CTTNBP2: variants seen among roughly 807,000 people sequenced by gnomAD.
The protein encoded by CTTNBP2 is cortactin-binding protein 2.
A neutral mutation model predicts 156.9 loss-of-function variants in CTTNBP2; 108 were observed. The observed-to-expected ratio is 0.69, with a 90% CI of 0.59 to 0.81. The LOEUF is 0.81. Ranked by LOEUF, CTTNBP2 falls within the 30% of genes least tolerant of loss-of-function variation. The probability of loss-of-function intolerance (pLI) is 0.00; values close to 1 mark genes in which losing one functional copy is unlikely to be tolerated. For missense variants in CTTNBP2, 1,924 were observed against 2,035.4 expected (o/e 0.95, Z 1.05); for synonymous variants, 767 against 751.8 (o/e 1.02, Z -0.33).
chr7:117,806,342 A>G (rs1799939613), intron 3 of CTTNBP2, among the ~76,000 whole-genome samples: 2 of 152,222 alleles, frequency 1.3e-5, no homozygotes, highest in South Asian at 4.1e-4. Flanking sequence ...TCTAATTCAA[A>G]GTGGAAAACT....
chr7:117,818,383 A>G (rs926626951), intron 2 of CTTNBP2, among the ~76,000 whole-genome samples: 2 of 152,250 alleles, frequency 1.3e-5, no homozygotes, highest in African/African-American at 4.8e-5. Flanking sequence ...AGCTGTCACT[A>G]TCTTGGGTGC....
intron 2 of CTTNBP2, among the ~76,000 whole-genome samples, chr7:117,822,544 C>T (rs1801027958): frequency 6.6e-6 from 1 of 152,140 alleles, no homozygotes; most frequent in Non-Finnish European, 1.5e-5. Flanking sequence ...GTTTTAGCTG[C>T]ATCTCAAATG....
At chr7:117,829,881 C>G (rs1216489309) in intron 2 of CTTNBP2, among the ~76,000 whole-genome samples, 2 of 152,188 alleles carry the variant, frequency 1.3e-5, no homozygotes, top group Non-Finnish European at 2.9e-5. Context: ...TAATATCATG[C>G]TTGCCTGTGA....
At position 117,735,331 on chromosome 7, in the gene CTTNBP2, A is replaced by G. The variant is rs1795628610; in HGVS notation, c.3626T>C (p.Leu1209Ser). 6.2e-7 allele frequency: 1 copy of G among 1,614,038 alleles called. No individual in the cohort carries two copies. Among genetic ancestry groups the G allele is most frequent in the Non-Finnish European group, 8.5e-7 (1 of 1,179,924 alleles). ...NLEKSSLSEL[L>S]RDFLAPLENR... ...TTCAAGAGGTGCCAAAAAGTCCCTC[A>G]ATAACTCCGACAGTGAAGATTTTTC... Residue 1209 changes from leucine (L) to serine (S), a missense_variant, in exon 15 of 23, where the codon TTG (leucine) becomes TCG (serine). Transcript: ENST00000160373.
intron 16 of CTTNBP2, among the ~76,000 whole-genome samples, chr7:117,732,222 CA>C (rs1795439559): frequency 6.6e-6 from 1 of 152,004 alleles, no homozygotes; most frequent in Admixed American, 6.6e-5. Flanking sequence ...TAAATAACAC[CA>C]TATAACACAC....
chr7:117,851,552 A>T (rs1036126796), intron 2 of CTTNBP2, among the ~76,000 whole-genome samples: 2 of 152,128 alleles, frequency 1.3e-5, no homozygotes, highest in African/African-American at 4.8e-5. Context: ...TCCCTTAGAC[A>T]CTGTTTTTAC....
intron 2 of CTTNBP2, among the ~76,000 whole-genome samples, chr7:117,845,112 G>A (rs1436967676): frequency 1.3e-5 from 2 of 152,070 alleles, no homozygotes; most frequent in African/African-American, 4.8e-5. Flanking sequence ...GTGTGGGCAT[G>A]AGGTAGGCAG....
At chr7:117,810,336 A>G (rs892409044) in intron 3 of CTTNBP2, among the ~76,000 whole-genome samples, 2 of 152,220 alleles carry the variant, frequency 1.3e-5, no homozygotes, top group Non-Finnish European at 2.9e-5. Context: ...AAATAATAAA[A>G]TAATTTCTAA....
Position 117,710,866 on chromosome 7 carries a change from T to C in CTTNBP2, c.*671A>G, listed in dbSNP as rs1287408992. On this transcript the variant is annotated 3_prime_UTR_variant, in exon 23 of 23. Transcript: ENST00000160373. ...ACTTTTGTAAGAAAGATAACACTTT[T>C]ATTGCATTATAATTTCATATTTTAC... 12 of 152,632 alleles carry C rather than the reference T, an allele frequency of 7.9e-5. No individual in the cohort carries two copies. Among genetic ancestry groups the C allele is most frequent in the African/African-American group, 2.9e-4 (12 of 41,460 alleles). 9.5% of individuals were successfully genotyped at this position (152,632 alleles called of 1,614,324 possible).
chr7:117,748,520 TGA>T lies in CTTNBP2; in HGVS notation c.3349-2423_3349-2422del, dbSNP rs944616790. Among the ~76,000 whole-genome samples the T allele has an allele frequency of 9.2e-5, 14 of 152,364 alleles. No individual in the cohort carries two copies. The South Asian group carries it at 1.9e-3, about 20-fold the overall frequency. ...ATTATAGCTCTGTCTTCTTTTGCAT[TGA>T]GAGAGCTCAAGTTAGTCTTGCACAA... On this transcript the variant is annotated intron_variant, in intron 12 of 22. Transcript: ENST00000160373.
chr7:117,864,452 T>C (rs2117266090), intron 1 of CTTNBP2, among the ~76,000 whole-genome samples: 1 of 151,940 alleles, frequency 6.6e-6, no homozygotes, highest in South Asian at 2.1e-4. Context: ...ATTTTCAAAT[T>C]GTCAACAACT....
chr7:117,846,258 T>A (rs17140446), intron 2 of CTTNBP2, among the ~76,000 whole-genome samples: 1 of 151,930 alleles, frequency 6.6e-6, no homozygotes, highest in Non-Finnish European at 1.5e-5. Flanking sequence ...TGTGAAATAC[T>A]GTATAGTCAA....
At position 117,821,713 on chromosome 7, in the gene CTTNBP2, C is replaced by T. The variant is rs183953781; in HGVS notation, c.190-10724G>A. On this transcript the variant is annotated intron_variant, in intron 2 of 22. Coordinates refer to ENST00000160373, the MANE Select transcript of CTTNBP2 (RefSeq NM_033427.3). ...AAGCCATTCTCCTGACTCAGCCTCC[C>T]GAGTAGCTGGGACTACAGGCGCCGG... Among the ~76,000 whole-genome samples, 89 of 151,888 alleles carry T rather than the reference C, an allele frequency of 5.9e-4. 2 individuals are homozygous for T. The highest frequency in any genetic ancestry group is 3.4e-3 in the Middle Eastern group (1 of 294).
At chr7:117,836,791 G>C (rs964250944) in intron 2 of CTTNBP2, among the ~76,000 whole-genome samples, 1 of 152,158 alleles carries the variant, frequency 6.6e-6, no homozygotes, top group Non-Finnish European at 1.5e-5. Context: ...AGGCAAGAGA[G>C]AAAATGAGAA....
At chr7:117,849,958 C>T (rs1250011996) in intron 2 of CTTNBP2, among the ~76,000 whole-genome samples, 1 of 152,196 alleles carries the variant, frequency 6.6e-6, no homozygotes, top group Non-Finnish European at 1.5e-5. Context: ...GAACACTTTC[C>T]TTAACCATGA....
At chr7:117,821,872 G>A (rs912670075) in intron 2 of CTTNBP2, among the ~76,000 whole-genome samples, 1 of 152,086 alleles carries the variant, frequency 6.6e-6, no homozygotes, top group African/African-American at 2.4e-5. Flanking sequence ...TTACAGGCGT[G>A]AGCCACCGCG....
At position 117,780,582 on chromosome 7, in the gene CTTNBP2, T is replaced by G. The variant is rs904043943; in HGVS notation, c.2382A>C (p.Glu794Asp). 9 of 1,583,690 alleles carry G rather than the reference T, an allele frequency of 5.7e-6. No individual in the cohort carries two copies. The highest frequency in any genetic ancestry group is 6.0e-6 in the Non-Finnish European group (7 of 1,166,178). Residue 794 changes from glutamate (E) to aspartate (D), a missense_variant, in exon 7 of 23, where the codon GAA becomes GAC. Coordinates refer to ENST00000160373, the MANE Select transcript of CTTNBP2 (RefSeq NM_033427.3). ...TGTTAGCATCATATGAAATTAATAA[T>G]TCTACACACCTAAACACAAGATTAG... ...AAAQGHFECV[E>D]LLISYDANIN... is the part of the protein sequence containing the mutation.
chr7:117,820,375 G>T (rs1800888789), intron 2 of CTTNBP2, among the ~76,000 whole-genome samples: 1 of 152,154 alleles, frequency 6.6e-6, no homozygotes, highest in African/African-American at 2.4e-5. Context: ...TACTTCCAGA[G>T]AATACGTTTT....
chr7:117,845,797 G>T (rs111484860), intron 2 of CTTNBP2, among the ~76,000 whole-genome samples: 4 of 152,214 alleles, frequency 2.6e-5, no homozygotes, highest in African/African-American at 9.6e-5. Context: ...GATCTGTCCT[G>T]GTATTTTAAG....
Sources: allele counts gnomAD v4.1 joint callset (sites outside exome capture counted in the v4.1 genomes callset), GRCh38; gene constraint gnomAD v4.1.1; transcripts MANE v1.5; gene names NCBI Gene and HGNC (gene_info 2026-07-23, HGNC 2026-07-21).